NCOA2: variants seen among roughly 807,000 people sequenced by gnomAD.
The protein encoded by NCOA2 is nuclear receptor coactivator 2.
In NCOA2, 21 loss-of-function variants were observed where a neutral mutation model predicts 145.1. The ratio of observed to expected loss-of-function variants is 0.14; its 90% confidence interval spans 0.10 to 0.21. The LOEUF is 0.21. Among genes scored for constraint, NCOA2 ranks in the 10% least tolerant of loss-of-function variants. NCOA2 has a pLI of 1.00. For synonymous variants in NCOA2, 619 were observed against 637.5 expected, an observed-to-expected ratio of 0.97 and a Z score of 0.44; for missense variants, 1,472 against 1,837.6, an observed-to-expected ratio of 0.80 and a Z score of 3.64.
chr8:70,183,589 C>A (rs1054678895), intron 4 of NCOA2, among the ~76,000 whole-genome samples: 2 of 152,170 alleles, frequency 1.3e-5, no homozygotes, highest in African/African-American at 4.8e-5. Flanking sequence ...TGTCTCCCCC[C>A]AAATGCATCA....
At chr8:70,179,380 G>C (rs1286549764) in intron 4 of NCOA2, among the ~76,000 whole-genome samples, 2 of 152,130 alleles carry the variant, frequency 1.3e-5, no homozygotes, top group African/African-American at 4.8e-5. Context: ...TACTACCTCT[G>C]TTGAATGTTC....
intron 1 of NCOA2, among the ~76,000 whole-genome samples, chr8:70,302,522 T>C (rs1176589497): frequency 1.3e-5 from 2 of 152,218 alleles, no homozygotes; most frequent in Non-Finnish European, 2.9e-5. Flanking sequence ...AACAGAATCA[T>C]GGCAAAACTC....
the NCOA2 span, among the ~76,000 whole-genome samples, chr8:70,431,047 A>G: frequency 6.6e-6 from 1 of 152,218 alleles, no homozygotes; most frequent in African/African-American, 2.4e-5. Flanking sequence ...TGCAAATGAC[A>G]TTAAAACACT....
the NCOA2 span, among the ~76,000 whole-genome samples, chr8:70,450,672 T>A: frequency 1.4e-5 from 2 of 141,594 alleles, no homozygotes; most frequent in African/African-American, 5.4e-5. Context: ...CTCCACTTCC[T>A]GGGTTCAAGT....
chr8:70,215,966 C>G (rs1467851385), intron 3 of NCOA2, among the ~76,000 whole-genome samples: 1 of 152,134 alleles, frequency 6.6e-6, no homozygotes, highest in African/African-American at 2.4e-5. Flanking sequence ...TTTATCCTAG[C>G]TGAACTGTGT....
At chr8:70,196,004 G>A (rs1291067185) in intron 4 of NCOA2, among the ~76,000 whole-genome samples, 1 of 152,184 alleles carries the variant, frequency 6.6e-6, no homozygotes, top group Non-Finnish European at 1.5e-5. Flanking sequence ...AGGCATGAGT[G>A]CTCTGAATAC....
At chr8:70,287,997 G>T (rs1217009912) in intron 2 of NCOA2, among the ~76,000 whole-genome samples, 1 of 152,074 alleles carries the variant, frequency 6.6e-6, no homozygotes, top group African/African-American at 2.4e-5. Flanking sequence ...TGCCAGATTG[G>T]GCTGGATTCC....
chr8:70,233,331 G>A (rs966075732), intron 2 of NCOA2, among the ~76,000 whole-genome samples: 1 of 152,180 alleles, frequency 6.6e-6, no homozygotes, highest in Non-Finnish European at 1.5e-5. Context: ...GCAGTGAAAT[G>A]TATGAATATT....
upstream of NCOA2, among the ~76,000 whole-genome samples, chr8:70,408,005 AC>A (rs1360160057): frequency 2.0e-5 from 3 of 152,124 alleles, no homozygotes; most frequent in South Asian, 2.1e-4. Context: ...TCTTTGATAT[AC>A]CCCCTCTATT....
At chr8:70,243,876 T>C (rs1197638994) in intron 2 of NCOA2, among the ~76,000 whole-genome samples, 1 of 151,940 alleles carries the variant, frequency 6.6e-6, no homozygotes, top group African/African-American at 2.4e-5. Context: ...AAGTTGTTTT[T>C]CTATGTAAAG....
intron 1 of NCOA2, among the ~76,000 whole-genome samples, chr8:70,304,971 G>A (rs1827777960): frequency 6.7e-6 from 1 of 149,462 alleles, no homozygotes; most frequent in Non-Finnish European, 1.5e-5. Context: ...ATCTACCCAT[G>A]TCGGCCTCCT....
In NCOA2 at chr8:70,110,865, G is replaced by T. The variant is rs1201285792; in HGVS notation, c.*2767C>A. ...AAATGAGTTTTACAACCAAGTTAATGTATGTATACTTTTCACATTATGTTT... is the reference window on the plus strand; with the variant it reads ...AAATGAGTTTTACAACCAAGTTAATTTATGTATACTTTTCACATTATGTTT... On this transcript the variant is annotated 3_prime_UTR_variant, in exon 23 of 23. Transcript: ENST00000452400. 4.5e-6 allele frequency: 1 copy of T among 221,184 alleles called. No individual in the cohort carries two copies. Among genetic ancestry groups the T allele is most frequent in the Non-Finnish European group, 9.0e-6 (1 of 110,648 alleles). 13.7% of individuals were successfully genotyped at this position (221,184 alleles called of 1,614,324 possible).
intron 2 of NCOA2, among the ~76,000 whole-genome samples, chr8:70,266,148 TCAAAAA>T (rs550064957): frequency 1.6e-3 from 247 of 152,284 alleles, no homozygotes; most frequent in Non-Finnish European, 2.8e-3. Context: ...AGACTCCGTC[TCAAAAA>T]CAAAAACAAA....
At chr8:70,399,605 C>T (rs1017529971) in intron 1 of NCOA2, among the ~76,000 whole-genome samples, 2 of 152,208 alleles carry the variant, frequency 1.3e-5, no homozygotes, top group African/African-American at 2.4e-5. Context: ...AACAAAACTA[C>T]ATACGCAAAA....
chr8:70,342,428 A>G (rs1341155839), intron 1 of NCOA2, among the ~76,000 whole-genome samples: 1 of 152,208 alleles, frequency 6.6e-6, no homozygotes, highest in African/African-American at 2.4e-5. Context: ...TCAAAATTTA[A>G]AACATAAAAA....
intron 9 of NCOA2, 131 bp downstream of exon 9, chr8:70,162,580 A>G (rs1813152941): frequency 1.1e-6 from 1 of 891,550 alleles, no homozygotes; most frequent in Admixed American, 3.1e-5. Context: ...TTAGATGGCA[A>G]CACTGGGGCC....
chr8:70,133,589 A>G (rs563647331), intron 15 of NCOA2, among the ~76,000 whole-genome samples: 33 of 152,304 alleles, frequency 2.2e-4, no homozygotes, highest in Non-Finnish European at 4.4e-4. Flanking sequence ...TGGTATTTGT[A>G]CTTTACCAAA....
At chr8:70,130,559 A>G (rs1374112268) in intron 16 of NCOA2, among the ~76,000 whole-genome samples, 1 of 152,226 alleles carries the variant, frequency 6.6e-6, no homozygotes, top group Admixed American at 6.5e-5. Flanking sequence ...ATTTCAGGTT[A>G]TATCATGTAA....
intron 1 of NCOA2, among the ~76,000 whole-genome samples, chr8:70,323,164 G>A (rs1465265035): frequency 2.0e-5 from 3 of 152,190 alleles, no homozygotes; most frequent in Non-Finnish European, 4.4e-5. Context: ...AGTATGTACT[G>A]AGTCCACTGA....
Sources: gnomAD v4.1 joint callset for allele counts (sites outside exome capture counted in the v4.1 genomes callset) on GRCh38, gnomAD v4.1.1 for gene constraint, MANE v1.5 for transcripts, NCBI Gene and HGNC (gene_info 2026-07-23, HGNC 2026-07-21) for gene names.